TMEM26: variants seen among roughly 807,000 people sequenced by gnomAD.
The protein encoded by TMEM26 is transmembrane protein 26.
In TMEM26, 38 loss-of-function variants were observed where a neutral mutation model predicts 28.8. The ratio of observed to expected loss-of-function variants is 1.32; its 90% CI spans 1.02 to 1.73. TMEM26 has a LOEUF of 1.73. Among genes scored for constraint, TMEM26 ranks in the 40% most tolerant of loss-of-function variants. TMEM26 has a pLI of 0.00. For missense variants in TMEM26, 518 were observed against 447.1 expected, an observed-to-expected ratio of 1.16 and a Z score of -1.43; for synonymous variants, 227 against 182.9, an observed-to-expected ratio of 1.24 and a Z score of -1.95.
At position 61,409,052 on chromosome 10, in the gene TMEM26, G is replaced by A. The variant is rs572882969; in HGVS notation, c.*1270C>T. 6.6e-6 allele frequency: 1 copy of A among 152,270 alleles called. No individual in the cohort carries two copies. The highest frequency in any genetic ancestry group is 2.1e-4 in the South Asian group (1 of 4,832). 9.4% of individuals were successfully genotyped at this position (152,270 alleles called of 1,614,324 possible). A position where few individuals can be genotyped will look rare whatever the true frequency, so the allele number is the denominator to read the frequency against. On this transcript the variant is annotated 3_prime_UTR_variant, in exon 6 of 6. Coordinates refer to ENST00000399298, the MANE Select transcript of TMEM26 (RefSeq NM_178505.8). The stretch of plus-strand genomic sequence containing the variant: ...GGGGAATTAGGTTTTGAACCTAAAA[G>A]AACAGTTTTGGAACTGTTTGCCTCG...
At chr10:61,413,886 GGA>G (rs1306379591) in intron 4 of TMEM26, 1 of 993,870 alleles carries the variant, frequency 1.0e-6, no homozygotes, top group East Asian at 1.1e-4. Flanking sequence ...CTGATTTCAA[GGA>G]ATGTCAGTGG....
chr10:61,445,240 G>A (rs907955754), intron 1 of TMEM26, among the ~76,000 whole-genome samples: 2 of 152,160 alleles, frequency 1.3e-5, no homozygotes, highest in African/African-American at 4.8e-5. Context: ...TTAAGAGACT[G>A]TCTGAGAATG....
At chr10:61,447,624 T>C (rs1321396203) in intron 1 of TMEM26, among the ~76,000 whole-genome samples, 1 of 152,192 alleles carries the variant, frequency 6.6e-6, no homozygotes, top group Non-Finnish European at 1.5e-5. Context: ...GTTTTTAACA[T>C]GGAGTCTAGG....
Position 61,453,198 on chromosome 10 carries a change from G to T in TMEM26, c.-117C>A. ...CAAGCACTGAGACCTGCTGCTGCTT[G>T]TGGTCCCTTCTCACCCTCAGCGCCC... On this transcript the variant is annotated 5_prime_UTR_variant, in exon 1 of 6. Coordinates refer to ENST00000399298, the MANE Select transcript of TMEM26 (RefSeq NM_178505.8). The T allele has an allele frequency of 1.8e-6, 2 of 1,094,974 alleles. No individual in the cohort carries two copies. Among genetic ancestry groups the T allele is most frequent in the Non-Finnish European group, 2.6e-6 (2 of 770,646 alleles). The allele number at this position is 1,094,974 out of a possible 1,614,324, so 67.8% of individuals were successfully genotyped here.
At chr10:61,444,879 G>T (rs578160673) in intron 1 of TMEM26, among the ~76,000 whole-genome samples, 1 of 152,104 alleles carries the variant, frequency 6.6e-6, no homozygotes, top group South Asian at 2.1e-4. Context: ...GCAAGCAGAG[G>T]CATAAAGGCA....
At chr10:61,429,382 A>G (rs1173992219) in intron 3 of TMEM26, among the ~76,000 whole-genome samples, 3 of 152,134 alleles carry the variant, frequency 2.0e-5, no homozygotes, top group African/African-American at 7.2e-5. Context: ...TTTGAGCCTT[A>G]AACTTACGAG....
chr10:61,412,653 C>T (rs1839585979), intron 5 of TMEM26, among the ~76,000 whole-genome samples: 1 of 152,220 alleles, frequency 6.6e-6, no homozygotes, highest in Middle Eastern at 3.4e-3. Context: ...CTCAACTGAA[C>T]TTTCTGTGAT....
chr10:61,447,829 G>C (rs191902522), intron 1 of TMEM26, among the ~76,000 whole-genome samples: 1 of 152,264 alleles, frequency 6.6e-6, no homozygotes, highest in African/African-American at 2.4e-5. Flanking sequence ...TGACCATCCA[G>C]TGGCACCTTC....
At position 61,428,953 on chromosome 10, in the gene TMEM26, C is replaced by T. The variant is rs766453339; in HGVS notation, c.578G>A (p.Ser193Asn). Residue 193 changes from serine to asparagine, a missense_variant, in exon 4 of 6, where the codon AGT becomes AAT. Coordinates refer to ENST00000399298, the MANE Select transcript of TMEM26 (RefSeq NM_178505.8). ...GTAADILEFT[S>N]ETLEEQNVRN... ...CACATTTTGTTCTTCTAGGGTCTCA[C>T]TTGTGAATTCCAGTATGTCAGCCGC... 2 of 1,612,982 alleles carry T rather than the reference C, an allele frequency of 1.2e-6. No individual in the cohort carries two copies. The highest frequency in any genetic ancestry group is 2.2e-5 in the East Asian group (1 of 44,872).
At chr10:61,419,420 G>C (rs572499592) in intron 4 of TMEM26, among the ~76,000 whole-genome samples, 4 of 152,130 alleles carry the variant, frequency 2.6e-5, no homozygotes, top group Non-Finnish European at 5.9e-5. Context: ...AAGTTTGATT[G>C]GTTAAAGAAA....
intron 4 of TMEM26, among the ~76,000 whole-genome samples, chr10:61,417,377 C>G (rs1839670000): frequency 6.6e-6 from 1 of 151,360 alleles, no homozygotes; most frequent in African/African-American, 2.4e-5. Flanking sequence ...AATAAAAAGT[C>G]ATATTTTGCC....
intron 5 of TMEM26, among the ~76,000 whole-genome samples, chr10:61,411,329 C>A (rs75243247): frequency 0.019 from 2,819 of 152,246 alleles, 41 homozygotes; most frequent in South Asian, 0.027. Flanking sequence ...GAATAACAGC[C>A]CTGCATTCTG....
intron 2 of TMEM26, 49 bp downstream of exon 2, chr10:61,436,121 A>G (rs1840001781): frequency 1.7e-6 from 2 of 1,194,554 alleles, no homozygotes; most frequent in Non-Finnish European, 2.5e-6. Flanking sequence ...ATACTGTGAA[A>G]GTAGCTTATT....
intron 4 of TMEM26, chr10:61,415,004 C>G (rs1839627860): frequency 9.1e-6 from 9 of 985,226 alleles, no homozygotes; most frequent in Non-Finnish European, 1.1e-5. Context: ...TTGTTGAAGG[C>G]TGTGCTTTTG....
chr10:61,437,247 T>G (rs1473136340), intron 1 of TMEM26, among the ~76,000 whole-genome samples: 2 of 152,148 alleles, frequency 1.3e-5, no homozygotes, highest in East Asian at 3.9e-4. Context: ...AATGACCAAA[T>G]TAATCTCCAA....
chr10:61,452,884 C>T lies in TMEM26; in HGVS notation c.191+7G>A. 1.2e-6 allele frequency: 2 copies of T among 1,608,014 alleles called. No homozygotes were observed. The highest frequency in any genetic ancestry group is 1.1e-5 in the South Asian group (1 of 91,002). ...CGTGCGCCCTCGCTTTCCCGGGGCA[C>T]TCTCACCATTTGTAGCCTCTGCCGC... On this transcript the variant is annotated splice_region_variant and intron_variant, in intron 1 of 5. Transcript: ENST00000399298.
intron 4 of TMEM26, among the ~76,000 whole-genome samples, chr10:61,426,949 C>T (rs1839843269): frequency 6.6e-6 from 1 of 151,894 alleles, no homozygotes; most frequent in African/African-American, 2.4e-5. Flanking sequence ...ATTTTATATC[C>T]TTCCTAGGCT....
intron 4 of TMEM26, among the ~76,000 whole-genome samples, chr10:61,424,769 T>C (rs1005036086): frequency 2.6e-5 from 4 of 152,182 alleles, no homozygotes; most frequent in East Asian, 3.8e-4. Context: ...AAAAGCTTTA[T>C]ATCTGTGATC....
At chr10:61,423,395 A>G (rs1839779451) in intron 4 of TMEM26, among the ~76,000 whole-genome samples, 1 of 152,200 alleles carries the variant, frequency 6.6e-6, no homozygotes, top group South Asian at 2.1e-4. Flanking sequence ...AAATAATACT[A>G]CAGATCAATA....
Sources: gnomAD v4.1 joint callset for allele counts (sites outside exome capture counted in the v4.1 genomes callset) on GRCh38, gnomAD v4.1.1 for gene constraint, MANE v1.5 for transcripts, NCBI Gene and HGNC (gene_info 2026-07-23, HGNC 2026-07-21) for gene names.